Variants in CNTN5 observed in about 807,000 individuals in gnomAD.
CNTN5 encodes contactin-5.
Under a neutral mutation model 129.1 loss-of-function variants are expected in CNTN5, and 77 were observed. The observed-to-expected ratio is 0.60, with a 90% confidence interval of 0.50 to 0.72. CNTN5 has a LOEUF of 0.72. Among genes scored for constraint, CNTN5 ranks in the 30% least tolerant of loss-of-function variants. The pLI is 0.00. For missense variants in CNTN5, 1,478 were observed against 1,328.8 expected, an observed-to-expected ratio of 1.11 and a Z score of -1.75; for synonymous variants, 509 against 465.6, an observed-to-expected ratio of 1.09 and a Z score of -1.20.
At chr11:99,413,959 C>T (rs1395725204) in intron 2 of CNTN5, among the ~76,000 whole-genome samples, 1 of 152,242 alleles carries the variant, frequency 6.6e-6, no homozygotes, top group East Asian at 1.9e-4. Context: ...CTACTTATGG[C>T]CAGCCAAAAA....
At chr11:99,213,233 T>TA (rs1565407772) in intron 1 of CNTN5, among the ~76,000 whole-genome samples, 2 of 87,192 alleles carry the variant, frequency 2.3e-5, no homozygotes, top group Non-Finnish European at 5.1e-5. Flanking sequence ...ATATATATAT[T>TA]TTTTTCTATA....
intron 13 of CNTN5, among the ~76,000 whole-genome samples, chr11:100,102,489 T>A (rs1591247629): frequency 2.0e-5 from 3 of 152,054 alleles, no homozygotes; most frequent in Non-Finnish European, 4.4e-5. Context: ...AGAAAGAATG[T>A]AGAGCCTTTG....
chr11:100,158,156 T>C (rs1196769184), intron 13 of CNTN5, among the ~76,000 whole-genome samples: 6 of 151,782 alleles, frequency 4.0e-5, no homozygotes, highest in African/African-American at 1.4e-4. Flanking sequence ...AGATGAGTTG[T>C]TTGAACTACA....
intron 3 of CNTN5, among the ~76,000 whole-genome samples, chr11:99,716,576 A>G (rs1157378780): frequency 2.0e-5 from 3 of 151,980 alleles, no homozygotes; most frequent in African/African-American, 4.8e-5. Context: ...ATCAGCTTCA[A>G]CCTCTGCCTC....
intron 3 of CNTN5, among the ~76,000 whole-genome samples, chr11:99,675,011 C>CTGGTTTGGTT (rs201153480): frequency 7.4e-4 from 77 of 103,466 alleles, no homozygotes; most frequent in African/African-American, 2.3e-3. Context: ...AGGCATTTTT[C>CTGGTTTGGTT]TGGTTTTGTT....
At chr11:99,682,425 G>A (rs1408762333) in intron 3 of CNTN5, among the ~76,000 whole-genome samples, 1 of 151,868 alleles carries the variant, frequency 6.6e-6, no homozygotes, top group African/African-American at 2.4e-5. Flanking sequence ...GCAGGGGTGG[G>A]AGGAAGCAGC....
At chr11:99,912,860 A>G (rs980470227) in intron 6 of CNTN5, among the ~76,000 whole-genome samples, 5 of 152,038 alleles carry the variant, frequency 3.3e-5, no homozygotes, top group Non-Finnish European at 7.4e-5. Context: ...TGTGCCTTAT[A>G]GTAAGTCCAG....
At chr11:100,233,905 C>T (rs1273828946) in intron 16 of CNTN5, among the ~76,000 whole-genome samples, 5 of 152,090 alleles carry the variant, frequency 3.3e-5, no homozygotes, top group Non-Finnish European at 7.3e-5. Flanking sequence ...ATCTGTCCAT[C>T]TGACAAAGGG....
intron 1 of CNTN5, among the ~76,000 whole-genome samples, chr11:99,177,416 C>G: frequency 6.6e-6 from 1 of 152,076 alleles, no homozygotes; most frequent in South Asian, 2.1e-4. Flanking sequence ...ATGAGTTAAC[C>G]AATGAGACAT....
chr11:100,247,920 T>G (rs1479931342), intron 16 of CNTN5, among the ~76,000 whole-genome samples: 1 of 152,130 alleles, frequency 6.6e-6, no homozygotes, highest in Non-Finnish European at 1.5e-5. Flanking sequence ...TTAGTCACCA[T>G]GGCCTGAGTT....
intron 6 of CNTN5, among the ~76,000 whole-genome samples, chr11:99,866,093 A>G (rs572587511): frequency 1.3e-5 from 2 of 152,194 alleles, no homozygotes; most frequent in Non-Finnish European, 2.9e-5. Flanking sequence ...AGCTTCTGAA[A>G]TGTTCTGAGG....
intron 3 of CNTN5, among the ~76,000 whole-genome samples, chr11:99,587,852 C>A (rs1345388960): frequency 6.6e-6 from 1 of 152,122 alleles, no homozygotes; most frequent in Non-Finnish European, 1.5e-5. Context: ...AAAATGGGTT[C>A]ATGCTGAGTG....
intron 2 of CNTN5, among the ~76,000 whole-genome samples, chr11:99,499,357 C>T (rs957206033): frequency 1.3e-5 from 2 of 152,112 alleles, no homozygotes; most frequent in Non-Finnish European, 2.9e-5. Context: ...ACTTCTCCCT[C>T]ATGAATAAGA....
chr11:100,141,399 TC>T (rs1344363144), intron 13 of CNTN5, among the ~76,000 whole-genome samples: 1 of 152,084 alleles, frequency 6.6e-6, no homozygotes, highest in Non-Finnish European at 1.5e-5. Context: ...AGTTGGGACT[TC>T]CTAACTTCTG....
intron 2 of CNTN5, among the ~76,000 whole-genome samples, chr11:99,511,873 T>C (rs1205910888): frequency 6.6e-6 from 1 of 151,660 alleles, no homozygotes; most frequent in Non-Finnish European, 1.5e-5. Context: ...TGTAGTTGCA[T>C]AAAAAAAGAA....
intron 6 of CNTN5, among the ~76,000 whole-genome samples, chr11:99,867,047 C>G (rs1948374810): frequency 6.6e-6 from 1 of 152,146 alleles, no homozygotes; most frequent in Non-Finnish European, 1.5e-5. Flanking sequence ...TCTTCAATCC[C>G]AAAGCATTGT....
chr11:99,220,199 G>A (rs1177913744), intron 1 of CNTN5, among the ~76,000 whole-genome samples: 3 of 151,914 alleles, frequency 2.0e-5, no homozygotes, highest in African/African-American at 7.2e-5. Flanking sequence ...TGTTATGAAA[G>A]TCTTCACAAT....
chr11:100,112,516 A>C (rs1378298869), intron 13 of CNTN5, among the ~76,000 whole-genome samples: 1 of 152,130 alleles, frequency 6.6e-6, no homozygotes, highest in Non-Finnish European at 1.5e-5. Context: ...GTTCCTTATA[A>C]ATTAGTCTGG....
intron 8 of CNTN5, among the ~76,000 whole-genome samples, chr11:100,000,920 G>A (rs1939825844): frequency 6.6e-6 from 1 of 152,150 alleles, no homozygotes. Flanking sequence ...TGGAGTTGGA[G>A]CAGCTAGAAC....
Sources: gnomAD v4.1 joint callset for allele counts (sites outside exome capture counted in the v4.1 genomes callset) on GRCh38, gnomAD v4.1.1 for gene constraint, MANE v1.5 for transcripts, NCBI Gene and HGNC (gene_info 2026-07-23, HGNC 2026-07-21) for gene names.